Variants in HS3ST4 observed in about 807,000 individuals in gnomAD.
HS3ST4 encodes the protein heparan sulfate glucosamine 3-O-sulfotransferase 4.
A neutral mutation model predicts 29.2 loss-of-function variants in HS3ST4; 17 were observed. The observed-to-expected ratio is 0.58, with a 90% CI of 0.40 to 0.87. HS3ST4 has a LOEUF of 0.87. Among genes scored for constraint, HS3ST4 ranks in the 40% least tolerant of loss-of-function variants. The probability of loss-of-function intolerance (pLI) is 0.00; values close to 1 mark genes in which losing one functional copy is unlikely to be tolerated. For missense variants in HS3ST4, 627 were observed against 634.5 expected (o/e 0.99, Z 0.13); for synonymous variants, 314 against 285.7 (o/e 1.10, Z -1.00).
intron 1 of HS3ST4, among the ~76,000 whole-genome samples, chr16:25,817,671 G>A (rs529501082): frequency 1.3e-4 from 20 of 152,202 alleles, no homozygotes; most frequent in East Asian, 7.7e-4. Flanking sequence ...TAATAAAAAT[G>A]GGATTATATT....
intron 1 of HS3ST4, among the ~76,000 whole-genome samples, chr16:25,723,502 C>A (rs1429229858): frequency 6.6e-6 from 1 of 152,124 alleles, no homozygotes; most frequent in African/African-American, 2.4e-5. Flanking sequence ...ACAAATAAAT[C>A]ATAAGCCATG....
At chr16:25,731,363 C>T (rs1444854870) in intron 1 of HS3ST4, among the ~76,000 whole-genome samples, 1 of 152,134 alleles carries the variant, frequency 6.6e-6, no homozygotes, top group Non-Finnish European at 1.5e-5. Context: ...CTTTTTGAGA[C>T]AAGGCCTCCC....
chr16:25,998,163 C>A, intron 1 of HS3ST4, among the ~76,000 whole-genome samples: 1 of 152,084 alleles, frequency 6.6e-6, no homozygotes, highest in East Asian at 1.9e-4. Flanking sequence ...TCCCTGTAGT[C>A]CCAGTTACTC....
At chr16:26,014,640 C>A (rs1404109509) in intron 1 of HS3ST4, among the ~76,000 whole-genome samples, 6 of 152,202 alleles carry the variant, frequency 3.9e-5, no homozygotes, top group Non-Finnish European at 2.9e-5. Context: ...TAATGGCCTT[C>A]AGCTCCATCC....
chr16:25,873,492 A>G (rs149026089), intron 1 of HS3ST4, among the ~76,000 whole-genome samples: 19,779 of 128,570 alleles, frequency 0.15, 1,541 homozygotes, highest in East Asian at 0.26. Context: ...CTATCTATCT[A>G]TCTATCTATC....
chr16:25,730,197 T>C (rs1966561397), intron 1 of HS3ST4, among the ~76,000 whole-genome samples: 1 of 152,218 alleles, frequency 6.6e-6, no homozygotes, highest in Non-Finnish European at 1.5e-5. Flanking sequence ...CTGGTTTTTA[T>C]CTATTTTTGG....
intron 1 of HS3ST4, among the ~76,000 whole-genome samples, chr16:25,959,291 A>T (rs996275678): frequency 3.9e-5 from 6 of 152,232 alleles, no homozygotes; most frequent in African/African-American, 1.4e-4. Flanking sequence ...CAATCCTTAA[A>T]CAAAAGCCTT....
chr16:25,746,404 CAATGTGGGCAAAGGCATGGA>C (rs1356119373), intron 1 of HS3ST4, among the ~76,000 whole-genome samples: 5 of 152,114 alleles, frequency 3.3e-5, no homozygotes, highest in Admixed American at 3.3e-4. Flanking sequence ...GTAAAGCCAT[CAATGTGGGCAAAGGCATGGA>C]GACATGACTG....
At chr16:25,811,615 T>C (rs544677599) in intron 1 of HS3ST4, among the ~76,000 whole-genome samples, 1 of 151,962 alleles carries the variant, frequency 6.6e-6, no homozygotes, top group East Asian at 1.9e-4. Context: ...GTATTTTTAG[T>C]AGAGACGGGG....
chr16:25,902,812 G>A (rs4787782), intron 1 of HS3ST4, among the ~76,000 whole-genome samples: 14,479 of 151,946 alleles, frequency 0.095, 1,012 homozygotes, highest in Admixed American at 0.23. Context: ...AACGTCTGGC[G>A]GATGCCTGGG....
intron 1 of HS3ST4, among the ~76,000 whole-genome samples, chr16:25,845,160 C>A (rs1967452128): frequency 6.6e-6 from 1 of 151,916 alleles, no homozygotes; most frequent in African/African-American, 2.4e-5. Context: ...ACCTTTGTTA[C>A]CTATGTAACA....
At chr16:25,964,677 C>T (rs1054241594) in intron 1 of HS3ST4, among the ~76,000 whole-genome samples, 1 of 152,154 alleles carries the variant, frequency 6.6e-6, no homozygotes, top group Non-Finnish European at 1.5e-5. Flanking sequence ...AATCCTGCCG[C>T]TCAGTTAAGG....
At chr16:25,805,124 C>T (rs1241745536) in intron 1 of HS3ST4, among the ~76,000 whole-genome samples, 1 of 152,038 alleles carries the variant, frequency 6.6e-6, no homozygotes, top group Non-Finnish European at 1.5e-5. Flanking sequence ...AAAAAATTTT[C>T]AGAGGAAAAT....
intron 1 of HS3ST4, among the ~76,000 whole-genome samples, chr16:25,953,382 C>T (rs1333444348): frequency 1.3e-5 from 2 of 152,136 alleles, no homozygotes; most frequent in East Asian, 1.9e-4. Flanking sequence ...AGCCATTATC[C>T]ACTTCTTCCT....
chr16:26,000,518 A>C (rs1173068794), intron 1 of HS3ST4, among the ~76,000 whole-genome samples: 1 of 152,208 alleles, frequency 6.6e-6, no homozygotes, highest in East Asian at 1.9e-4. Flanking sequence ...TGTATTGGCC[A>C]GCCCTGGTCC....
intron 1 of HS3ST4, among the ~76,000 whole-genome samples, chr16:26,112,233 A>AGTGT (rs745655766): frequency 8.7e-6 from 1 of 115,434 alleles, no homozygotes; most frequent in African/African-American, 3.2e-5. Flanking sequence ...ACCATGCTCG[A>AGTGT]GTGTGTGTGT....
At chr16:26,088,426 T>A (rs972686510) in intron 1 of HS3ST4, among the ~76,000 whole-genome samples, 3 of 152,230 alleles carry the variant, frequency 2.0e-5, no homozygotes, top group Non-Finnish European at 4.4e-5. Flanking sequence ...TGTGGTTTTT[T>A]GTGTTTGGTT....
intron 1 of HS3ST4, among the ~76,000 whole-genome samples, chr16:25,715,088 C>G (rs967819564): frequency 6.6e-6 from 1 of 151,384 alleles, no homozygotes; most frequent in Admixed American, 6.6e-5. Context: ...TTTGGGAGGC[C>G]GAGGCGGGTG....
At chr16:26,048,391 T>C (rs764311257) in intron 1 of HS3ST4, among the ~76,000 whole-genome samples, 3 of 152,222 alleles carry the variant, frequency 2.0e-5, no homozygotes, top group Non-Finnish European at 4.4e-5. Context: ...TCTTGGAATG[T>C]TACTTAAAGG....
Sources: allele counts gnomAD v4.1 joint callset (sites outside exome capture counted in the v4.1 genomes callset), GRCh38; gene constraint gnomAD v4.1.1; transcripts MANE v1.5; gene names NCBI Gene and HGNC (gene_info 2026-07-23, HGNC 2026-07-21).